CARS2: variants seen among roughly 807,000 people sequenced by gnomAD.
CARS2 encodes probable cysteine--tRNA ligase, mitochondrial.
In CARS2, 52 loss-of-function variants were observed where a neutral mutation model predicts 68.8. The ratio of observed to expected loss-of-function variants is 0.76; its 90% CI spans 0.61 to 0.95. The LOEUF (loss-of-function observed/expected upper bound fraction) is 0.95, where lower values mean the gene tolerates loss of function less well. Ranked by LOEUF, CARS2 falls within the 40% of genes least tolerant of loss-of-function variation. The pLI is 0.00. For synonymous variants in CARS2, 314 were observed against 303.6 expected (o/e 1.03, Z -0.36); for missense variants, 780 against 754.2 (o/e 1.03, Z -0.40).
chr13:110,643,753 TAAG>T, intron 13 of CARS2: 1 of 149,268 alleles, frequency 6.7e-6, no homozygotes, highest in Non-Finnish European at 1.4e-5. Flanking sequence ...ACTTTAAGAA[TAAG>T]GCAGGAAACC....
rs923902676 is a variant in CARS2, at chr13:110,668,978, T to A, written c.786-1505A>T. ...AAATGAATCTACAACCCAGTTTATA[T>A]GCCATAGTCTGCTATTAAGTATTGA... On this transcript the variant is annotated intron_variant, in intron 7 of 14. Coordinates refer to ENST00000257347, the MANE Select transcript of CARS2 (RefSeq NM_024537.4). The surrounding 1 kb of genome is among the most constrained non-coding windows in gnomAD (Gnocchi z 4.1). Among the ~76,000 whole-genome samples, 2 of 152,214 alleles carry A rather than the reference T, an allele frequency of 1.3e-5. No homozygotes were observed. Among genetic ancestry groups the A allele is most frequent in the African/African-American group, 4.8e-5 (2 of 41,470 alleles).
Position 110,683,696 on chromosome 13 carries a change from T to G in CARS2, c.572-562A>C, listed in dbSNP as rs77712851. 3.5e-4 allele frequency among the ~76,000 whole-genome samples: 53 copies of G among 152,346 alleles called. No homozygotes were observed. The East Asian group carries it at 9.3e-3, about 27-fold the overall frequency. On this transcript the variant is annotated intron_variant, in intron 5 of 14. Transcript: ENST00000257347. ...ACACTCTTTCTTTGCCCAGTCATCT[T>G]CTAAAACTACCTTTTTACTCAGATT...
rs375217936 is a variant in CARS2 at position 110,704,491 on chromosome 13, A to G, written c.275+1030T>C. Among the ~76,000 whole-genome samples the G allele has an allele frequency of 1.4e-4, 22 of 152,372 alleles. No individual in the cohort carries two copies. In the East Asian group the frequency reaches 3.5e-3, roughly 24 times the overall value. ...GTAATCCCAACACTTTGGGAGGCCAAGGCAGGTGGATCATTTGAGGTCAGG... is the reference window on the plus strand; with the variant it reads ...GTAATCCCAACACTTTGGGAGGCCAGGGCAGGTGGATCATTTGAGGTCAGG... On this transcript the variant is annotated intron_variant, in intron 2 of 14. Transcript: ENST00000257347.
At chr13:110,692,031 CACACATAT>C (rs1566333845) in intron 3 of CARS2, among the ~76,000 whole-genome samples, 1 of 74,112 alleles carries the variant, frequency 1.3e-5, no homozygotes, top group African/African-American at 3.9e-5. Context: ...TATACACACA[CACACATAT>C]ATATATATAC....
At chr13:110,713,266 A>G (rs528236975) in exon 1 of CARS2, 8 of 1,315,354 alleles carry the variant, frequency 6.1e-6, no homozygotes, top group African/African-American at 4.5e-5. Context: ...ACGAAGAGTC[A>G]GGGGCTGAGG....
chr13:110,711,886 C>T (rs2064031548), intron 1 of CARS2, among the ~76,000 whole-genome samples: 1 of 152,226 alleles, frequency 6.6e-6, no homozygotes, highest in Non-Finnish European at 1.5e-5. Flanking sequence ...TAATAATCTA[C>T]TCTATAAATA....
chr13:110,679,414 C>T (rs1281160405), intron 6 of CARS2, among the ~76,000 whole-genome samples: 1 of 151,566 alleles, frequency 6.6e-6, no homozygotes, highest in Non-Finnish European at 1.5e-5. Flanking sequence ...CCTGTAATCC[C>T]AGCTACTGTG....
chr13:110,701,344 G>GT (rs1463569005), intron 3 of CARS2, 94 bp downstream of exon 3: 5 of 699,486 alleles, frequency 7.1e-6, no homozygotes, highest in African/African-American at 1.8e-5. Context: ...GATTACAGGC[G>GT]TAAGCTACCA....
chr13:110,684,212 C>T (rs2063233150), intron 5 of CARS2, among the ~76,000 whole-genome samples: 1 of 152,232 alleles, frequency 6.6e-6, no homozygotes, highest in African/African-American at 2.4e-5. Context: ...TCCAACCACA[C>T]AGCAGCATGT....
chr13:110,643,689 C>T (rs2139672070), intron 13 of CARS2: 1 of 159,878 alleles, frequency 6.3e-6, no homozygotes. Context: ...TGTTCAGGGA[C>T]ACAGCGCCAG....
Position 110,676,302 on chromosome 13 carries a change from G to C in CARS2, c.785+672C>G, listed in dbSNP as rs1179541909. On this transcript the variant is annotated intron_variant, in intron 7 of 14. Transcript: ENST00000257347. The surrounding 1 kb of genome is among the most constrained non-coding windows in gnomAD (Gnocchi z 4.0). The stretch of plus-strand genomic sequence containing the variant: ...AGAGCCACAGGGTGTGGACACCTCA[G>C]GTGCGTCCAAGGGGACCAGGGAGAA... Among the ~76,000 whole-genome samples the C allele has an allele frequency of 6.6e-6, 1 of 152,234 alleles. No homozygotes were observed. The highest frequency in any genetic ancestry group is 1.5e-5 in the Non-Finnish European group (1 of 68,044).
intron 3 of CARS2, among the ~76,000 whole-genome samples, chr13:110,699,091 C>T (rs1489938625): frequency 6.6e-6 from 1 of 152,218 alleles, no homozygotes; most frequent in Non-Finnish European, 1.5e-5. Flanking sequence ...CCCTTGACCT[C>T]TTGCCCTCCA....
At chr13:110,694,207 G>A (rs2063556150) in intron 3 of CARS2, among the ~76,000 whole-genome samples, 1 of 151,708 alleles carries the variant, frequency 6.6e-6, no homozygotes, top group Non-Finnish European at 1.5e-5. Flanking sequence ...TGTATTTTTA[G>A]TAGAGACAAG....
chr13:110,652,586 C>T (rs1331859355), intron 9 of CARS2, among the ~76,000 whole-genome samples: 1 of 152,198 alleles, frequency 6.6e-6, no homozygotes, highest in African/African-American at 2.4e-5. Context: ...GGGCTCAGTC[C>T]CTTCAGAGGA....
chr13:110,704,588 G>T (rs1394457097), intron 2 of CARS2, among the ~76,000 whole-genome samples: 1 of 152,142 alleles, frequency 6.6e-6, no homozygotes, highest in Admixed American at 6.5e-5. Flanking sequence ...GCCGGGCGTG[G>T]TGGTACATGC....
chr13:110,652,087 A>T (rs1046431247), intron 9 of CARS2, among the ~76,000 whole-genome samples: 2 of 152,224 alleles, frequency 1.3e-5, no homozygotes, highest in African/African-American at 4.8e-5. Context: ...GAACTGGCTC[A>T]CCCCATGCCT....
Position 110,641,602 on chromosome 13 carries a change from T to G in CARS2, c.1630A>C (p.Ser544Arg). ...AGTTCCCACGTGGATGTTGTACTGC[T>G]TCTGTCCTGGAGAAGAAGAGTGAGG... ...TAHGINIKDR[S>R]STTSTWELLD... The change falls in exon 15 of 15, where the codon AGC (serine) becomes CGC (arginine). Residue 544 changes from serine (S) to arginine (R), a missense_variant. Physicochemically the swap from Ser to Arg is moderately radical, Grantham distance 110. Transcript: ENST00000257347. 1 of 1,613,686 alleles carries G rather than the reference T, an allele frequency of 6.2e-7. No individual in the cohort carries two copies. The highest frequency in any genetic ancestry group is 8.5e-7 in the Non-Finnish European group (1 of 1,179,644).
chr13:110,685,992 G>GAAAAA (rs10668818), intron 5 of CARS2, among the ~76,000 whole-genome samples: 4 of 128,812 alleles, frequency 3.1e-5, no homozygotes, highest in Admixed American at 8.5e-5. Flanking sequence ...CAGAAAAAAT[G>GAAAAA]AAAAAAAAAA....
chr13:110,673,217 C>T (rs2062850351), intron 7 of CARS2, among the ~76,000 whole-genome samples: 1 of 152,164 alleles, frequency 6.6e-6, no homozygotes, highest in Non-Finnish European at 1.5e-5. Flanking sequence ...TTTTAAGAGG[C>T]CAGCATCATC....
Sources: allele counts gnomAD v4.1 joint callset (sites outside exome capture counted in the v4.1 genomes callset), GRCh38; gene constraint gnomAD v4.1.1; non-coding constraint Gnocchi (gnomAD v3.1); transcripts MANE v1.5; gene names NCBI Gene and HGNC (gene_info 2026-07-23, HGNC 2026-07-21).